The following SCN11A variants were observed in gnomAD, a reference collection of about 807,000 sequenced individuals.
SCN11A encodes sodium channel protein type 11 subunit alpha.
SCN11A carries 122 observed loss-of-function variants against 162.2 expected under a neutral mutation model. That is an observed-to-expected ratio of 0.75 (90% CI 0.65 to 0.87). SCN11A has a LOEUF of 0.87. SCN11A is among the 40% of genes least tolerant of loss of function. The pLI, the probability that SCN11A is intolerant of heterozygous loss-of-function variation, is 0.00. For synonymous variants in SCN11A, 758 were observed against 751.5 expected (o/e 1.01, Z -0.14); for missense variants, 2,015 against 2,181.6 (o/e 0.92, Z 1.52).
At position 39,012,416 on chromosome 3, in the gene SCN11A, CTCTTTCTTTCTT is replaced by C. The variant is rs372306710; in HGVS notation, c.-280+19952_-280+19963del. Among the ~76,000 whole-genome samples, 384 of 149,288 alleles carry C rather than the reference CTCTTTCTTTCTT, an allele frequency of 2.6e-3. 4 individuals are homozygous for C. Among genetic ancestry groups the C allele is most frequent in the African/African-American group, 9.0e-3 (352 of 39,140 alleles). On this transcript the variant is annotated intron_variant, in intron 2 of 29. Transcript: ENST00000302328. ...CCTTCCTTACTTCCTTCCTTCCTTG[CTCTTTCTTTCTT>C]TCTTTCTTTCTCTCTCTCTTTCTCT...
chr3:38,876,539 G>A (rs1411521463), intron 23 of SCN11A, among the ~76,000 whole-genome samples: 1 of 152,002 alleles, frequency 6.6e-6, no homozygotes, highest in African/African-American at 2.4e-5. Flanking sequence ...CTATCCAAAA[G>A]TGGGCAAAGG....
At chr3:38,992,548 A>G (rs2030484918) in intron 2 of SCN11A, among the ~76,000 whole-genome samples, 1 of 152,242 alleles carries the variant, frequency 6.6e-6, no homozygotes, top group Admixed American at 6.5e-5. Context: ...GCTCATGCAT[A>G]TTATATGAAT....
Position 38,921,047 on chromosome 3 carries a change from A to G in SCN11A, c.892+29T>C, listed in dbSNP as rs371167106. ...AGGAAAAGTTAACCATGCAAAAACC[A>G]AGGAGTGAAAGAAAGGTTGGGTATT... On this transcript the variant is annotated intron_variant, in intron 10 of 29. Coordinates refer to ENST00000302328, the MANE Select transcript of SCN11A (RefSeq NM_001349253.2). 53 of 1,605,794 alleles carry G rather than the reference A, an allele frequency of 3.3e-5. No individual in the cohort carries two copies. In the African/African-American group the frequency reaches 6.8e-4, roughly 21 times the overall value.
At chr3:39,030,319 G>GT (rs1246781692) in intron 2 of SCN11A, among the ~76,000 whole-genome samples, 1 of 152,208 alleles carries the variant, frequency 6.6e-6, no homozygotes, top group Non-Finnish European at 1.5e-5. Context: ...TCTTCAGGAA[G>GT]TGCAGCCCTA....
intron 2 of SCN11A, among the ~76,000 whole-genome samples, chr3:39,008,576 T>C (rs1015232838): frequency 6.6e-6 from 1 of 152,166 alleles, no homozygotes; most frequent in African/African-American, 2.4e-5. Flanking sequence ...ATTAAATTAT[T>C]AGAACATCCA....
In SCN11A at chr3:38,846,607, C is replaced by T; in HGVS notation, c.*87G>A. The stretch of plus-strand genomic sequence containing the variant: ...ATGGCTAATTTGGTGAATCCACTCC[C>T]TGTTGATACACTAAGCTGCTGACCC... On this transcript the variant is annotated 3_prime_UTR_variant, in exon 30 of 30. Transcript: ENST00000302328. 1.0e-6 allele frequency: 1 copy of T among 990,660 alleles called. No homozygotes were observed. The allele number at this position is 990,660 out of a possible 1,614,324, so 61.4% of individuals were successfully genotyped here.
At chr3:38,988,121 T>C (rs1194424114) in intron 2 of SCN11A, among the ~76,000 whole-genome samples, 1 of 152,148 alleles carries the variant, frequency 6.6e-6, no homozygotes, top group East Asian at 1.9e-4. Flanking sequence ...AGCACTGGGC[T>C]TTCTGAATGC....
At chr3:39,004,226 G>C (rs917095630) in intron 2 of SCN11A, among the ~76,000 whole-genome samples, 2 of 152,202 alleles carry the variant, frequency 1.3e-5, no homozygotes, top group African/African-American at 4.8e-5. Flanking sequence ...TCCAGCTTCA[G>C]TCTTCTGCAT....
At chr3:38,929,426 G>C (rs983359833) in intron 7 of SCN11A, among the ~76,000 whole-genome samples, 10 of 152,170 alleles carry the variant, frequency 6.6e-5, no homozygotes, top group African/African-American at 2.2e-4. Context: ...GTATTTCATG[G>C]ATATAGACTT....
rs144892752 is a variant in SCN11A at position 38,890,805 on chromosome 3, T to G, written c.2835+3728A>C. On this transcript the variant is annotated intron_variant, in intron 19 of 29. Coordinates refer to ENST00000302328, the MANE Select transcript of SCN11A (RefSeq NM_001349253.2). ...GTGCACATCCAAGGATGTACTCTCCTAGGAGTGACACCAAAGCTTTCACAT... is the reference window on the plus strand; with the variant it reads ...GTGCACATCCAAGGATGTACTCTCCGAGGAGTGACACCAAAGCTTTCACAT... Among the ~76,000 whole-genome samples, 437 of 152,302 alleles carry G rather than the reference T, an allele frequency of 2.9e-3. 2 individuals are homozygous for G. The highest frequency in any genetic ancestry group is 0.01 in the African/African-American group (427 of 41,558).
intron 2 of SCN11A, among the ~76,000 whole-genome samples, chr3:39,008,753 C>G (rs1167561038): frequency 6.6e-6 from 1 of 151,886 alleles, no homozygotes. Context: ...TGTAGTGGCA[C>G]GTGCCTGTAG....
intron 2 of SCN11A, chr3:39,025,879 C>T (rs764687867): frequency 1.8e-4 from 27 of 152,288 alleles, no homozygotes; most frequent in Admixed American, 7.8e-4. Flanking sequence ...TTCTCTGGTT[C>T]AAACGCTTCT....
chr3:38,988,039 T>A (rs2030323011), intron 2 of SCN11A, among the ~76,000 whole-genome samples: 2 of 141,980 alleles, frequency 1.4e-5, no homozygotes, highest in Non-Finnish European at 3.0e-5. Flanking sequence ...TGGCGCCCGG[T>A]GCAAATGGGA....
At chr3:39,031,523 C>T (rs1459707491) in intron 2 of SCN11A, among the ~76,000 whole-genome samples, 2 of 128,860 alleles carry the variant, frequency 1.6e-5, no homozygotes, top group Non-Finnish European at 3.2e-5. Context: ...GAGATTCTGT[C>T]AAACAAAAAA....
chr3:38,954,935 C>A (rs1274749811), intron 3 of SCN11A, among the ~76,000 whole-genome samples: 1 of 152,112 alleles, frequency 6.6e-6, no homozygotes, highest in Non-Finnish European at 1.5e-5. Context: ...TTGCAGTGAG[C>A]CAAGATTGTG....
At chr3:39,018,255 C>A (rs2031347949) in intron 2 of SCN11A, among the ~76,000 whole-genome samples, 1 of 152,162 alleles carries the variant, frequency 6.6e-6, no homozygotes, top group South Asian at 2.1e-4. Context: ...AGTACTCTGC[C>A]AAATACTAGA....
At chr3:38,878,132 C>T (rs183735022) in intron 23 of SCN11A, among the ~76,000 whole-genome samples, 1 of 151,432 alleles carries the variant, frequency 6.6e-6, no homozygotes, top group East Asian at 1.9e-4. Flanking sequence ...TTCAGGTAAC[C>T]AAACACCACC....
chr3:39,036,141 A>G (rs2031899820), intron 1 of SCN11A, among the ~76,000 whole-genome samples: 1 of 151,546 alleles, frequency 6.6e-6, no homozygotes, highest in Non-Finnish European at 1.5e-5. Flanking sequence ...CACTCAGCAG[A>G]TTTCTTTTTA....
intron 19 of SCN11A, among the ~76,000 whole-genome samples, chr3:38,893,777 T>C (rs2065539519): frequency 6.6e-6 from 1 of 151,102 alleles, no homozygotes; most frequent in East Asian, 1.9e-4. Flanking sequence ...AAAGAAGAAA[T>C]CATAAGAAGA....
Sources: gnomAD v4.1 joint callset for allele counts (sites outside exome capture counted in the v4.1 genomes callset) on GRCh38, gnomAD v4.1.1 for gene constraint, MANE v1.5 for transcripts, NCBI Gene and HGNC (gene_info 2026-07-23, HGNC 2026-07-21) for gene names.